The following GNB4 variants were observed in gnomAD, a reference collection of about 807,000 sequenced individuals.
GNB4 encodes the protein guanine nucleotide-binding protein subunit beta-4.
GNB4 carries 28 observed loss-of-function variants against 45.2 expected under a neutral mutation model. The ratio of observed to expected loss-of-function variants is 0.62; its 90% confidence interval spans 0.46 to 0.85. The LOEUF is 0.85. Ranked by LOEUF, GNB4 falls within the 40% of genes least tolerant of loss-of-function variation. GNB4 has a pLI of 0.00. For missense variants in GNB4, 321 were observed against 425.4 expected (o/e 0.75, Z 2.16); for synonymous variants, 132 against 143.7 (o/e 0.92, Z 0.58).
the GNB4 span, among the ~76,000 whole-genome samples, chr3:179,465,725 T>C: frequency 6.6e-6 from 1 of 152,112 alleles, no homozygotes; most frequent in Admixed American, 6.5e-5. Context: ...TGAGTTTTTT[T>C]CTTATTTAAT....
At chr3:179,427,189 T>C (rs1375287849) in intron 1 of GNB4, among the ~76,000 whole-genome samples, 1 of 152,072 alleles carries the variant, frequency 6.6e-6, no homozygotes, top group Non-Finnish European at 1.5e-5. Flanking sequence ...ATCTTCTCAG[T>C]GGGACCTTTG....
rs1715145116 is a variant in GNB4, at chr3:179,426,254, C to G, written c.-42-12G>C. On this transcript the variant is annotated splice_polypyrimidine_tract_variant and intron_variant, in intron 1 of 9. Transcript: ENST00000232564. ...ATGAGTGAAAACAGCTGTTAAAAAACAGAGAGCAAGAGAAAGATTCAGTTC... is the reference window on the plus strand; with the variant it reads ...ATGAGTGAAAACAGCTGTTAAAAAAGAGAGAGCAAGAGAAAGATTCAGTTC... 7.5e-7 allele frequency: 1 copy of G among 1,325,662 alleles called. No individual in the cohort carries two copies. The highest frequency in any genetic ancestry group is 1.3e-5 in the South Asian group (1 of 76,906). 82.1% of individuals were successfully genotyped at this position (1,325,662 alleles called of 1,614,324 possible). A position where few individuals can be genotyped will look rare whatever the true frequency, so the allele number is the denominator to read the frequency against.
the GNB4 span, among the ~76,000 whole-genome samples, chr3:179,495,376 C>T: frequency 1.3e-5 from 2 of 151,848 alleles, no homozygotes; most frequent in South Asian, 4.1e-4. Flanking sequence ...ACTTGGGGGG[C>T]TGAGGTGGGT....
the GNB4 span, among the ~76,000 whole-genome samples, chr3:179,521,074 T>G: frequency 6.9e-4 from 105 of 152,336 alleles, no homozygotes; most frequent in East Asian, 0.019. Flanking sequence ...CACCCAGGAC[T>G]GGCAAATTGA....
chr3:179,494,823 G>T, the GNB4 span, among the ~76,000 whole-genome samples: 4 of 148,408 alleles, frequency 2.7e-5, no homozygotes, highest in African/African-American at 1.0e-4. Flanking sequence ...CAGGAGAATG[G>T]CATGAACCCG....
chr3:179,520,437 G>A, the GNB4 span, among the ~76,000 whole-genome samples: 7 of 152,006 alleles, frequency 4.6e-5, no homozygotes, highest in African/African-American at 7.2e-5. Context: ...AGCTGGGACC[G>A]TGCCCTATAG....
At position 179,449,463 on chromosome 3, in the gene GNB4, T is replaced by C. The variant is rs370712222; in HGVS notation, c.-43+1883A>G. Among the ~76,000 whole-genome samples the C allele has an allele frequency of 6.8e-4, 103 of 152,324 alleles. 1 individual carries two copies. Among genetic ancestry groups the C allele is most frequent in the African/African-American group, 4.3e-4 (18 of 41,562 alleles). ...ATTTTACACACATGCTAATGAGTAA[T>C]TGAGGGTCACTCCTCATGCCCTCGA... On this transcript the variant is annotated intron_variant, in intron 1 of 9. Coordinates refer to ENST00000232564, the MANE Select transcript of GNB4 (RefSeq NM_021629.4).
rs1239122017 is a variant in GNB4, at chr3:179,399,995, T to C, written c.*1218A>G. 1.3e-5 allele frequency: 2 copies of C among 152,238 alleles called. No homozygotes were observed. The highest frequency in any genetic ancestry group is 2.9e-5 in the Non-Finnish European group (2 of 68,050). 9.4% of individuals were successfully genotyped at this position (152,238 alleles called of 1,614,324 possible). Reference sequence around the variant, plus strand: ...ATAGCTCTCTAACTCCTTTAAGAACTGCTTTAGGAATTTTTATTTTGGCTT... The same window carrying C: ...ATAGCTCTCTAACTCCTTTAAGAACCGCTTTAGGAATTTTTATTTTGGCTT... On this transcript the variant is annotated 3_prime_UTR_variant, in exon 10 of 10. Coordinates refer to ENST00000232564, the MANE Select transcript of GNB4 (RefSeq NM_021629.4).
At chr3:179,468,035 A>AAAAAAAAAAAAATATAT in the GNB4 span, among the ~76,000 whole-genome samples, 150 of 89,862 alleles carry the variant, frequency 1.7e-3, 8 homozygotes, top group Non-Finnish European at 2.7e-3. Context: ...TGTTGATAAA[A>AAAAAAAAAAAAATATAT]ATATATATAT....
intron 8 of GNB4, among the ~76,000 whole-genome samples, chr3:179,409,766 C>T (rs1714590735): frequency 1.3e-5 from 2 of 148,680 alleles, no homozygotes; most frequent in Admixed American, 6.8e-5. Flanking sequence ...GCCGAGATCG[C>T]ACCACTACAC....
At chr3:179,448,480 T>A (rs1715792771) in intron 1 of GNB4, among the ~76,000 whole-genome samples, 1 of 152,192 alleles carries the variant, frequency 6.6e-6, no homozygotes, top group Admixed American at 6.5e-5. Flanking sequence ...CTTGGTTTTT[T>A]TTTTTTTCTT....
chr3:179,494,368 G>C, the GNB4 span, among the ~76,000 whole-genome samples: 5 of 151,680 alleles, frequency 3.3e-5, no homozygotes, highest in South Asian at 6.3e-4. Context: ...AGGGAGGGAA[G>C]AAGGGAGGGA....
the GNB4 span, among the ~76,000 whole-genome samples, chr3:179,464,124 A>G: frequency 2.6e-5 from 4 of 152,194 alleles, no homozygotes; most frequent in East Asian, 1.9e-4. Flanking sequence ...AAGCCCCCCA[A>G]CCAATGGAAT....
At chr3:179,443,278 C>T (rs1421928454) in intron 1 of GNB4, among the ~76,000 whole-genome samples, 18 of 152,190 alleles carry the variant, frequency 1.2e-4, no homozygotes, top group African/African-American at 4.1e-4. Context: ...GTGGCTCATG[C>T]CTGTAATCCC....
chr3:179,429,977 C>A lies in GNB4; in HGVS notation c.-42-3735G>T, dbSNP rs116790499. On this transcript the variant is annotated intron_variant, in intron 1 of 9. Coordinates refer to ENST00000232564, the MANE Select transcript of GNB4 (RefSeq NM_021629.4). ...TAAAGTAGAAGCCATCAAACATGAA[C>A]TTTTTCAATCTTCCACTACTAGATA... is the stretch of plus-strand genomic sequence containing the variant. 2.0e-3 allele frequency among the ~76,000 whole-genome samples: 303 copies of A among 152,148 alleles called. 2 individuals are homozygous for A. Among genetic ancestry groups the A allele is most frequent in the African/African-American group, 6.7e-3 (279 of 41,492 alleles).
the GNB4 span, among the ~76,000 whole-genome samples, chr3:179,511,780 C>T: frequency 6.6e-6 from 1 of 151,902 alleles, no homozygotes; most frequent in African/African-American, 2.4e-5. Context: ...AAATTCTATG[C>T]CTCTTAACAC....
intron 8 of GNB4, among the ~76,000 whole-genome samples, chr3:179,409,947 G>A (rs1359594498): frequency 6.6e-6 from 1 of 152,162 alleles, no homozygotes; most frequent in Non-Finnish European, 1.5e-5. Flanking sequence ...GTGTTGTGAG[G>A]GAGCCGGTGG....
the GNB4 span, among the ~76,000 whole-genome samples, chr3:179,513,805 C>G: frequency 6.6e-6 from 1 of 151,998 alleles, no homozygotes; most frequent in South Asian, 2.1e-4. Context: ...AAATTTTAAA[C>G]TTATGGATAC....
At chr3:179,523,075 A>T in the GNB4 span, among the ~76,000 whole-genome samples, 4 of 152,046 alleles carry the variant, frequency 2.6e-5, no homozygotes, top group Non-Finnish European at 5.9e-5. Context: ...TTTAGTCAGG[A>T]TGGTAAAACT....
Sources: allele counts gnomAD v4.1 joint callset (sites outside exome capture counted in the v4.1 genomes callset), GRCh38; gene constraint gnomAD v4.1.1; transcripts MANE v1.5; gene names NCBI Gene and HGNC (gene_info 2026-07-23, HGNC 2026-07-21).